The following REV1 variants were observed in gnomAD, a reference collection of about 807,000 sequenced individuals.
REV1 encodes the protein REV1 DNA directed polymerase.
A neutral mutation model predicts 137.4 loss-of-function variants in REV1; 42 were observed. That is an observed-to-expected ratio of 0.31 (90% confidence interval 0.24 to 0.40). The LOEUF is 0.40. REV1 is among the 10% of genes least tolerant of loss of function. REV1 has a pLI of 1.00. For missense variants in REV1, 1,282 were observed against 1,490.1 expected, an observed-to-expected ratio of 0.86 and a Z score of 2.30; for synonymous variants, 524 against 519.2, an observed-to-expected ratio of 1.01 and a Z score of -0.12.
chr2:99,421,739 TC>T lies in REV1; in HGVS notation c.1677-87del, dbSNP rs759667606. 1.8e-5 allele frequency: 25 copies of T among 1,369,284 alleles called. No homozygotes were observed. The Admixed American group carries it at 2.8e-4, about 15-fold the overall frequency. 84.8% of individuals were successfully genotyped at this position (1,369,284 alleles called of 1,614,324 possible). ...GTTGCAAAATAGTCTTCTTATCCTC[TC>T]TTTTTTCTATTTCCTCACAAAGCAT... On this transcript the variant is annotated intron_variant, in intron 10 of 22. Coordinates refer to ENST00000258428, the MANE Select transcript of REV1 (RefSeq NM_016316.4).
chr2:99,443,450 A>C (rs1681769133), intron 4 of REV1, among the ~76,000 whole-genome samples: 1 of 152,254 alleles, frequency 6.6e-6, no homozygotes, highest in Non-Finnish European at 1.5e-5. Context: ...ATAATCATTT[A>C]AGAAATGACT....
At chr2:99,422,230 A>C (rs923576867) in intron 10 of REV1, among the ~76,000 whole-genome samples, 1 of 152,216 alleles carries the variant, frequency 6.6e-6, no homozygotes, top group African/African-American at 2.4e-5. Flanking sequence ...GCATGTGGAC[A>C]TACTTTTTAA....
intron 12 of REV1, among the ~76,000 whole-genome samples, chr2:99,418,292 G>A (rs987854276): frequency 1.6e-4 from 24 of 152,262 alleles, no homozygotes; most frequent in Middle Eastern, 3.4e-3. Context: ...GGTGAGAAAG[G>A]TTAAGATGGA....
intron 9 of REV1, among the ~76,000 whole-genome samples, chr2:99,425,099 CATATT>C (rs1314969421): frequency 2.6e-5 from 4 of 152,188 alleles, no homozygotes; most frequent in East Asian, 3.9e-4. Flanking sequence ...CACCAAATTA[CATATT>C]ATATAATAGG....
At chr2:99,482,500 G>T (rs1486258824) in intron 1 of REV1, among the ~76,000 whole-genome samples, 1 of 152,206 alleles carries the variant, frequency 6.6e-6, no homozygotes, top group East Asian at 1.9e-4. Flanking sequence ...TATAAGAAGT[G>T]AGGAGAGTCT....
chr2:99,443,051 T>A (rs1681715656), intron 4 of REV1, among the ~76,000 whole-genome samples: 1 of 152,226 alleles, frequency 6.6e-6, no homozygotes, highest in South Asian at 2.1e-4. Context: ...GCACTGTAAC[T>A]GAAGTTCCCA....
At chr2:99,467,836 A>G (rs964094481) in intron 1 of REV1, among the ~76,000 whole-genome samples, 10 of 151,950 alleles carry the variant, frequency 6.6e-5, no homozygotes, top group Admixed American at 2.6e-4. Context: ...ACCTGAAGTC[A>G]GGAGTTGGAG....
At chr2:99,422,146 A>C (rs1213739177) in intron 10 of REV1, among the ~76,000 whole-genome samples, 3 of 152,220 alleles carry the variant, frequency 2.0e-5, no homozygotes, top group Non-Finnish European at 4.4e-5. Context: ...TCACTGTAGC[A>C]GGCCTAGAAT....
intron 12 of REV1, among the ~76,000 whole-genome samples, chr2:99,417,414 G>A (rs562684488): frequency 6.6e-6 from 1 of 152,162 alleles, no homozygotes; most frequent in Non-Finnish European, 1.5e-5. Context: ...ACAGTGCTGG[G>A]ATTACAGGTG....
In REV1 at chr2:99,403,494, A is replaced by G. The variant is rs1017962450; in HGVS notation, c.3166+201T>C. On this transcript the variant is annotated intron_variant, in intron 19 of 22. Coordinates refer to ENST00000258428, the MANE Select transcript of REV1 (RefSeq NM_016316.4). ...TTAAAAAGTAAAAAGTGGTGTGTTT[A>G]AATCCTGAAAGTACAGACACAAATC... The G allele has an allele frequency of 8.6e-6, 6 of 700,884 alleles. No homozygotes were observed. The Admixed American group carries it at 1.2e-4, about 14-fold the overall frequency. The allele number at this position is 700,884 out of a possible 1,614,324, so 43.4% of individuals were successfully genotyped here.
intron 4 of REV1, among the ~76,000 whole-genome samples, chr2:99,445,042 G>A (rs1034649162): frequency 5.3e-5 from 8 of 151,240 alleles, no homozygotes; most frequent in Non-Finnish European, 1.2e-4. Context: ...TCTATACAAC[G>A]AATCAAAACA....
At chr2:99,405,770 C>G (rs1383199606) in intron 17 of REV1, 140 bp downstream of exon 17, 9 of 552,654 alleles carry the variant, frequency 1.6e-5, no homozygotes. Context: ...TCATGATCTA[C>G]CCAAACAAGT....
At chr2:99,404,918 C>T (rs1676068768) in intron 17 of REV1, among the ~76,000 whole-genome samples, 2 of 152,110 alleles carry the variant, frequency 1.3e-5, no homozygotes, top group African/African-American at 4.8e-5. Context: ...TACTACCAGC[C>T]ACTATCACAT....
In REV1 at chr2:99,403,694, C is replaced by A. The variant is rs374904598; in HGVS notation, c.3166+1G>T. On this transcript the variant is annotated splice_donor_variant, in intron 19 of 22. Transcript: ENST00000258428. LOFTEE classifies it high-confidence loss of function. ...TGTTACATGCCACTTCCAAGGCTCA[C>A]CAGATGCGCTGGCTGACTGCTGGTG... 30 of 1,614,056 alleles carry A rather than the reference C, an allele frequency of 1.9e-5. No individual in the cohort carries two copies. Among genetic ancestry groups the A allele is most frequent in the Non-Finnish European group, 2.4e-5 (28 of 1,180,042 alleles).
intron 3 of REV1, among the ~76,000 whole-genome samples, chr2:99,452,473 T>C (rs958167205): frequency 2.0e-5 from 3 of 149,952 alleles, no homozygotes; most frequent in Non-Finnish European, 3.0e-5. Context: ...ATATCCAACA[T>C]CATGAAAGCT....
intron 1 of REV1, among the ~76,000 whole-genome samples, chr2:99,486,302 G>C (rs1687122020): frequency 6.6e-6 from 1 of 152,206 alleles, no homozygotes; most frequent in Non-Finnish European, 1.5e-5. Flanking sequence ...GGCTGAGGCG[G>C]GCGGATCACG....
intron 21 of REV1, 54 bp from the exon 22 acceptor site, chr2:99,402,400 C>G: frequency 1.1e-6 from 1 of 914,690 alleles, no homozygotes. Flanking sequence ...AGGAGAAAGT[C>G]AGAGATCTGC....
At chr2:99,442,276 AC>A (rs767256742) in intron 5 of REV1, 40 bp downstream of exon 5, 51 of 1,482,888 alleles carry the variant, frequency 3.4e-5, no homozygotes, top group African/African-American at 1.8e-4. Context: ...AAAAAAAAAA[AC>A]CAACCAGCTT....
intron 4 of REV1, among the ~76,000 whole-genome samples, chr2:99,446,743 T>C (rs942143098): frequency 3.3e-5 from 5 of 152,138 alleles, no homozygotes; most frequent in Admixed American, 2.6e-4. Flanking sequence ...TCCACCCACC[T>C]TGGCCTCCCA....
Sources: allele counts gnomAD v4.1 joint callset (sites outside exome capture counted in the v4.1 genomes callset), GRCh38; gene constraint gnomAD v4.1.1; transcripts MANE v1.5; gene names NCBI Gene and HGNC (gene_info 2026-07-23, HGNC 2026-07-21).